VPS54: variants seen among roughly 807,000 people sequenced by gnomAD.
The protein encoded by VPS54 is VPS54 subunit of GARP complex, also known as vacuolar protein sorting-associated protein 54.
VPS54 carries 45 observed loss-of-function variants against 121.5 expected under a neutral mutation model. That is an observed-to-expected ratio of 0.37 (90% CI 0.29 to 0.47). VPS54 has a LOEUF of 0.47. Among genes scored for constraint, VPS54 ranks in the 20% least tolerant of loss-of-function variants. The pLI, the probability that VPS54 is intolerant of heterozygous loss-of-function variation, is 0.99. For synonymous variants in VPS54, 371 were observed against 385.8 expected, an observed-to-expected ratio of 0.96 and a Z score of 0.45; for missense variants, 1,090 against 1,131.4, an observed-to-expected ratio of 0.96 and a Z score of 0.52.
chr2:63,967,717 T>TAAAAAAAAAAAAAAAA, intron 5 of VPS54, among the ~76,000 whole-genome samples: 1 of 14,528 alleles, frequency 6.9e-5, no homozygotes, highest in African/African-American at 3.2e-4. Flanking sequence ...AGACTCTGCC[T>TAAAAAAAAAAAAAAAA]CAAAAAAAAA....
intron 7 of VPS54, among the ~76,000 whole-genome samples, chr2:63,960,280 G>T (rs1032190006): frequency 2.0e-5 from 3 of 152,076 alleles, no homozygotes; most frequent in African/African-American, 7.2e-5. Flanking sequence ...TTTAAATGAA[G>T]AATATTTTAT....
chr2:63,998,065 T>C (rs1677686082), intron 1 of VPS54, among the ~76,000 whole-genome samples: 1 of 152,160 alleles, frequency 6.6e-6, no homozygotes, highest in African/African-American at 2.4e-5. Context: ...ATTTGAATTG[T>C]CTTCTTTATT....
chr2:63,987,798 G>C (rs759977488), intron 1 of VPS54, among the ~76,000 whole-genome samples: 9 of 152,070 alleles, frequency 5.9e-5, no homozygotes, highest in Admixed American at 1.3e-4. Context: ...TCTAGCTGTT[G>C]TTACTTTCTT....
intron 12 of VPS54, among the ~76,000 whole-genome samples, chr2:63,922,360 C>T (rs989862456): frequency 1.3e-5 from 2 of 152,154 alleles, no homozygotes; most frequent in Non-Finnish European, 2.9e-5. Context: ...TTCAAAGATA[C>T]TACAAAGAGG....
chr2:63,967,994 G>GTA (rs201325295), intron 5 of VPS54, among the ~76,000 whole-genome samples: 1,743 of 152,210 alleles, frequency 0.011, 19 homozygotes, highest in African/African-American at 0.036. Flanking sequence ...TTTGGCTGAA[G>GTA]TAAAGAATGT....
chr2:64,017,331 CG>C lies in VPS54; in HGVS notation c.-21+1606del, dbSNP rs1678753357. On this transcript the variant is annotated intron_variant, in intron 1 of 22. Transcript: ENST00000272322. The stretch of plus-strand genomic sequence containing the variant: ...CAGCCTGGGCAACAGAGCAAGACCC[CG>C]TCTCAAAAAAAAAAAAAGAAAAGAA... 5.1e-5 allele frequency among the ~76,000 whole-genome samples: 7 copies of C among 137,064 alleles called. No individual in the cohort carries two copies. In the South Asian group the frequency reaches 1.6e-3, roughly 32 times the overall value. The allele number at this position is 137,064 out of a possible 152,430, so 89.9% of individuals were successfully genotyped here. A position where few individuals can be genotyped will look rare whatever the true frequency, so the allele number is the denominator to read the frequency against.
chr2:63,927,604 C>T (rs376256935), intron 12 of VPS54, among the ~76,000 whole-genome samples: 11 of 152,304 alleles, frequency 7.2e-5, no homozygotes, highest in African/African-American at 2.2e-4. Flanking sequence ...TACCTCTTCT[C>T]CTCCAAAGGA....
intron 1 of VPS54, among the ~76,000 whole-genome samples, chr2:63,998,066 C>T (rs1051006868): frequency 2.0e-5 from 3 of 151,864 alleles, no homozygotes; most frequent in African/African-American, 7.3e-5. Context: ...TTTGAATTGT[C>T]TTCTTTATTT....
rs552048485 is a variant in VPS54, at chr2:63,934,152, G to A, written c.1399-139C>T. The A allele has an allele frequency of 2.9e-4, 210 of 718,594 alleles. 1 individual carries two copies. Among genetic ancestry groups the A allele is most frequent in the African/African-American group, 2.7e-3 (152 of 56,048 alleles). 44.5% of individuals were successfully genotyped at this position (718,594 alleles called of 1,614,324 possible). On this transcript the variant is annotated intron_variant, in intron 11 of 22. Coordinates refer to ENST00000272322, the MANE Select transcript of VPS54 (RefSeq NM_016516.3). ...AGTCATGTATATCAGAATTTCTACCGATCTTTTATTACATAGGAAAAGTGA... is the reference window on the plus strand; with the variant it reads ...AGTCATGTATATCAGAATTTCTACCAATCTTTTATTACATAGGAAAAGTGA...
chr2:63,899,091 A>G (rs1369966141), intron 21 of VPS54, among the ~76,000 whole-genome samples: 1 of 152,196 alleles, frequency 6.6e-6, no homozygotes. Context: ...TCTATCACTA[A>G]TTCTTTCCAT....
At chr2:64,003,743 T>A (rs1677994777) in intron 1 of VPS54, among the ~76,000 whole-genome samples, 1 of 152,116 alleles carries the variant, frequency 6.6e-6, no homozygotes, top group Non-Finnish European at 1.5e-5. Flanking sequence ...CAAGGATGAG[T>A]AAATAGAGAT....
At chr2:63,956,791 T>C (rs1036811819) in intron 7 of VPS54, among the ~76,000 whole-genome samples, 1 of 152,178 alleles carries the variant, frequency 6.6e-6, no homozygotes, top group Non-Finnish European at 1.5e-5. Flanking sequence ...TCCTCTGTTG[T>C]AGAATGGCGG....
chr2:63,966,135 T>A (rs1204240119), intron 5 of VPS54, among the ~76,000 whole-genome samples, 169 bp from the exon 6 acceptor site: 1 of 152,212 alleles, frequency 6.6e-6, no homozygotes, highest in Non-Finnish European at 1.5e-5. Flanking sequence ...GAAAAATGTG[T>A]AAATTTCTCA....
Position 63,962,125 on chromosome 2 carries a change from C to A in VPS54, c.943G>T (p.Ala315Ser), listed in dbSNP as rs1382658289. 1.9e-6 allele frequency: 3 copies of A among 1,608,582 alleles called. No homozygotes were observed. The highest frequency in any genetic ancestry group is 2.6e-6 in the Non-Finnish European group (3 of 1,175,402). The change falls in exon 7 of 23, where the codon GCA (alanine) becomes TCA (serine). Residue 315 changes from alanine (A) to serine (S), a missense_variant. Coordinates refer to ENST00000272322, the MANE Select transcript of VPS54 (RefSeq NM_016516.3). ...VLLSTSEFVG[A>S]LDLIATTQEV... ...TGTGTTGTTGCTATTAAGTCCAATGCTCCAACAAATTCAGAAGTAGATAAT... is the reference window on the plus strand; with the variant it reads ...TGTGTTGTTGCTATTAAGTCCAATGATCCAACAAATTCAGAAGTAGATAAT...
At chr2:63,974,565 T>C (rs183162070) in intron 3 of VPS54, among the ~76,000 whole-genome samples, 40 of 152,328 alleles carry the variant, frequency 2.6e-4, no homozygotes, top group Middle Eastern at 3.4e-3. Context: ...AGCCTTCCTA[T>C]CCACATATAT....
At chr2:63,957,561 G>T (rs912811375) in intron 7 of VPS54, among the ~76,000 whole-genome samples, 5 of 151,080 alleles carry the variant, frequency 3.3e-5, no homozygotes, top group Admixed American at 6.6e-5. Context: ...ATGTACAAAA[G>T]AATAATAATA....
intron 1 of VPS54, among the ~76,000 whole-genome samples, chr2:64,003,579 T>C (rs1677984116): frequency 6.6e-6 from 1 of 152,170 alleles, no homozygotes; most frequent in Non-Finnish European, 1.5e-5. Flanking sequence ...ATAAAAATTT[T>C]ATAGATGAAT....
chr2:63,892,673 A>G lies in VPS54; in HGVS notation c.*757T>C, dbSNP rs1365470558. ...TATAAAAATACAGATATTAAACTGT[A>G]GCCTTTTATATACCATTTCTGAAAA... is the stretch of plus-strand genomic sequence containing the variant. On this transcript the variant is annotated 3_prime_UTR_variant, in exon 23 of 23. Transcript: ENST00000272322. 6.6e-6 allele frequency: 1 copy of G among 152,606 alleles called. No individual in the cohort carries two copies. Among genetic ancestry groups the G allele is most frequent in the Non-Finnish European group, 1.5e-5 (1 of 68,036 alleles). 9.5% of individuals were successfully genotyped at this position (152,606 alleles called of 1,614,324 possible). A position where few individuals can be genotyped will look rare whatever the true frequency, so the allele number is the denominator to read the frequency against.
chr2:63,933,817 A>G lies in VPS54; in HGVS notation c.1595T>C (p.Val532Ala), dbSNP rs781463602. 8 of 1,613,888 alleles carry G rather than the reference A, an allele frequency of 5.0e-6. No homozygotes were observed. In the East Asian group the frequency reaches 6.7e-5, roughly 13 times the overall value. The change falls in exon 12 of 23, where the codon GTT (valine) becomes GCT (alanine). Residue 532 changes from valine (V) to alanine (A), a missense_variant. By Grantham distance (64) the Val-to-Ala change is moderately conservative. Transcript: ENST00000272322. ...TGCATTTCTTTGAGAGGTAGTGTCA[A>G]CTGCTATAGGTGTTAGCTCACCCTC... ...FGEGELTPIA[V>A]DTTSQRNASP...
Sources: gnomAD v4.1 joint callset for allele counts (sites outside exome capture counted in the v4.1 genomes callset) on GRCh38, gnomAD v4.1.1 for gene constraint, MANE v1.5 for transcripts, NCBI Gene and HGNC (gene_info 2026-07-23, HGNC 2026-07-21) for gene names.